Variants in GDAP1 observed in about 807,000 individuals in gnomAD.
The protein encoded by GDAP1 is ganglioside induced differentiation associated protein 1.
Under a neutral mutation model 40.1 loss-of-function variants are expected in GDAP1, and 34 were observed. That is an observed-to-expected ratio of 0.85 (90% CI 0.64 to 1.13). The LOEUF (loss-of-function observed/expected upper bound fraction) is 1.13. GDAP1 is among the 50% of genes most tolerant of loss of function. The pLI is 0.00. For missense variants in GDAP1, 374 were observed against 433.7 expected, an observed-to-expected ratio of 0.86 and a Z score of 1.22; for synonymous variants, 170 against 157.4, an observed-to-expected ratio of 1.08 and a Z score of -0.60.
intron 2 of GDAP1, among the ~76,000 whole-genome samples, chr8:74,395,131 A>G (rs1382483315): frequency 6.6e-6 from 1 of 152,218 alleles, no homozygotes; most frequent in East Asian, 1.9e-4. Flanking sequence ...AAATGAATGA[A>G]CAAATTGTGG....
chr8:74,414,297 A>C (rs1368488750), intron 2 of GDAP1, among the ~76,000 whole-genome samples: 2 of 150,214 alleles, frequency 1.3e-5, no homozygotes, highest in African/African-American at 5.1e-5. Flanking sequence ...ACATGGGAAA[A>C]TACAATCGAC....
intron 2 of GDAP1, among the ~76,000 whole-genome samples, chr8:74,427,025 T>C (rs988161789): frequency 6.6e-6 from 1 of 152,198 alleles, no homozygotes; most frequent in East Asian, 1.9e-4. Flanking sequence ...TCTTCTTACA[T>C]GGACTGTGGA....
chr8:74,454,692 AATAATATAATGC>A (rs11267761), intron 2 of GDAP1, among the ~76,000 whole-genome samples: 66,269 of 69,084 alleles, frequency 0.96, 32,668 homozygotes, highest in East Asian at 1. Flanking sequence ...TGGGCCCTAA[AATAATATAATGC>A]CAAATAATAC....
chr8:74,364,620 TG>T lies in GDAP1; in HGVS notation c.*254del. On this transcript the variant is annotated 3_prime_UTR_variant, in exon 6 of 6. Coordinates refer to ENST00000220822, the MANE Select transcript of GDAP1 (RefSeq NM_018972.4). ...GAAGGAAAAATGAGAGAATGAAGTC[TG>T]TATAGGGTAGAGCAATAGAAAGTAA... is the stretch of plus-strand genomic sequence containing the variant. 1 of 610,062 alleles carries T rather than the reference TG, an allele frequency of 1.6e-6. No homozygotes were observed. Among genetic ancestry groups the T allele is most frequent in the Non-Finnish European group, 3.0e-6 (1 of 328,508 alleles). The allele number at this position is 610,062 out of a possible 1,614,324, so 37.8% of individuals were successfully genotyped here.
intron 2 of GDAP1, among the ~76,000 whole-genome samples, chr8:74,423,935 C>T (rs968590739): frequency 3.3e-5 from 5 of 152,072 alleles, no homozygotes; most frequent in Non-Finnish European, 5.9e-5. Flanking sequence ...ACCTAATCTC[C>T]AAAGAGAAGA....
At chr8:74,424,398 C>A (rs1442732929) in intron 2 of GDAP1, among the ~76,000 whole-genome samples, 1 of 152,082 alleles carries the variant, frequency 6.6e-6, no homozygotes, top group Admixed American at 6.6e-5. Context: ...TGCTCATGAT[C>A]CATTCTGTCT....
intron 2 of GDAP1, among the ~76,000 whole-genome samples, chr8:74,356,658 T>TTGTG (rs1563440182): frequency 1.1e-5 from 1 of 92,330 alleles, no homozygotes; most frequent in Non-Finnish European, 2.4e-5. Flanking sequence ...TAATATTATT[T>TTGTG]AGTGTGTGTG....
intron 2 of GDAP1, among the ~76,000 whole-genome samples, chr8:74,388,440 A>C (rs956744234): frequency 7.9e-5 from 12 of 152,152 alleles, no homozygotes; most frequent in African/African-American, 2.9e-4. Context: ...TTATTTACCC[A>C]ATAGTCCATT....
At chr8:74,445,675 A>C (rs1365614509) in intron 2 of GDAP1, among the ~76,000 whole-genome samples, 1 of 152,224 alleles carries the variant, frequency 6.6e-6, no homozygotes, top group Non-Finnish European at 1.5e-5. Context: ...AAGACTAGAA[A>C]AACTTTATCA....
chr8:74,421,062 G>C (rs1805851686), intron 2 of GDAP1, among the ~76,000 whole-genome samples: 1 of 152,092 alleles, frequency 6.6e-6, no homozygotes, highest in Non-Finnish European at 1.5e-5. Flanking sequence ...ATAGATGATA[G>C]ATAGATAGAT....
intron 2 of GDAP1, among the ~76,000 whole-genome samples, chr8:74,434,590 C>T (rs1184697490): frequency 2.0e-5 from 3 of 152,152 alleles, no homozygotes; most frequent in African/African-American, 7.2e-5. Flanking sequence ...CATGAGTTCT[C>T]ATTCTACTTA....
At chr8:74,462,840 AT>A (rs1806417425) in intron 2 of GDAP1, among the ~76,000 whole-genome samples, 1 of 151,998 alleles carries the variant, frequency 6.6e-6, no homozygotes, top group Non-Finnish European at 1.5e-5. Flanking sequence ...AATCTAGTAG[AT>A]TAGAAAGCAT....
intron 2 of GDAP1, among the ~76,000 whole-genome samples, chr8:74,399,196 G>T (rs1810270698): frequency 6.6e-6 from 1 of 150,606 alleles, no homozygotes; most frequent in Admixed American, 6.6e-5. Flanking sequence ...TTTTTGGTTG[G>T]TAAGCTATTG....
In GDAP1 at chr8:74,363,970, C is replaced by A; in HGVS notation, c.695-15C>A. On this transcript the variant is annotated splice_polypyrimidine_tract_variant and intron_variant, in intron 5 of 5. Coordinates refer to ENST00000220822, the MANE Select transcript of GDAP1 (RefSeq NM_018972.4). Reference sequence around the variant, plus strand: ...GTGCTTGCCTCTAATTCTCTATGTCCCTTTCTCTAATTAGAAGAGGGCCAG... The same window carrying A: ...GTGCTTGCCTCTAATTCTCTATGTCACTTTCTCTAATTAGAAGAGGGCCAG... 6.2e-7 allele frequency: 1 copy of A among 1,612,720 alleles called. No individual in the cohort carries two copies. The highest frequency in any genetic ancestry group is 8.5e-7 in the Non-Finnish European group (1 of 1,178,734).
At chr8:74,373,281 C>G (rs1204453711) in intron 2 of GDAP1, among the ~76,000 whole-genome samples, 1 of 152,094 alleles carries the variant, frequency 6.6e-6, no homozygotes, top group Non-Finnish European at 1.5e-5. Flanking sequence ...TAGTTTTTTC[C>G]AATTCTGTGA....
intron 2 of GDAP1, among the ~76,000 whole-genome samples, chr8:74,468,452 T>C (rs1349737440): frequency 2.7e-5 from 4 of 150,816 alleles, no homozygotes; most frequent in Non-Finnish European, 5.9e-5. Context: ...ACATTTATTA[T>C]TTACATATAT....
At chr8:74,437,395 C>T (rs1168177538) in intron 2 of GDAP1, among the ~76,000 whole-genome samples, 2 of 152,172 alleles carry the variant, frequency 1.3e-5, no homozygotes, top group Non-Finnish European at 2.9e-5. Flanking sequence ...ACATGCTTTT[C>T]ACACTATCAA....
At chr8:74,408,290 G>C (rs1039036513) in intron 2 of GDAP1, among the ~76,000 whole-genome samples, 1 of 150,118 alleles carries the variant, frequency 6.7e-6, no homozygotes, top group Non-Finnish European at 1.5e-5. Flanking sequence ...ATTCTCCATT[G>C]GAGATTGTCA....
intron 2 of GDAP1, among the ~76,000 whole-genome samples, chr8:74,419,992 T>G (rs1805835351): frequency 1.3e-5 from 2 of 152,224 alleles, no homozygotes; most frequent in Non-Finnish European, 2.9e-5. Context: ...TTCTGAGCTC[T>G]CAATTCTATT....
Sources: gnomAD v4.1 joint callset for allele counts (sites outside exome capture counted in the v4.1 genomes callset) on GRCh38, gnomAD v4.1.1 for gene constraint, MANE v1.5 for transcripts, NCBI Gene and HGNC (gene_info 2026-07-23, HGNC 2026-07-21) for gene names.